SEL1L: variants seen among roughly 807,000 people sequenced by gnomAD.
SEL1L encodes the protein protein sel-1 homolog 1.
A neutral mutation model predicts 109.8 loss-of-function variants in SEL1L; 52 were observed. The ratio of observed to expected loss-of-function variants is 0.47; its 90% CI spans 0.38 to 0.60. The LOEUF is 0.60. SEL1L is among the 20% of genes least tolerant of loss of function. The pLI is 0.00. For synonymous variants in SEL1L, 373 were observed against 339.6 expected (o/e 1.10, Z -1.08); for missense variants, 749 against 962.2 (o/e 0.78, Z 2.93).
In SEL1L at chr14:81,476,418, T is replaced by G. The variant is rs185931074; in HGVS notation, c.*554A>C. 3 of 152,616 alleles carry G rather than the reference T, an allele frequency of 2.0e-5. No individual in the cohort carries two copies. The highest frequency in any genetic ancestry group is 2.0e-4 in the Admixed American group (3 of 15,330). 9.5% of individuals were successfully genotyped at this position (152,616 alleles called of 1,614,324 possible). On this transcript the variant is annotated 3_prime_UTR_variant, in exon 21 of 21. Coordinates refer to ENST00000336735, the MANE Select transcript of SEL1L (RefSeq NM_005065.6). ...TTTAAAATAACAAATATGCTGAATA[T>G]GTCTAATTGCATGTGGACTGGTAAG... is the stretch of plus-strand genomic sequence containing the variant.
At chr14:81,485,590 C>T (rs1165798635) in intron 18 of SEL1L, 82 bp downstream of exon 18, 3 of 1,223,082 alleles carry the variant, frequency 2.5e-6, no homozygotes, top group East Asian at 2.3e-5. Context: ...CAGTACTCGG[C>T]TTCATGATTT....
At chr14:81,511,124 C>A (rs949336241) in intron 3 of SEL1L, among the ~76,000 whole-genome samples, 3 of 152,152 alleles carry the variant, frequency 2.0e-5, no homozygotes, top group Admixed American at 2.0e-4. Flanking sequence ...TTGAAAACTG[C>A]TAAATAAGGT....
intron 12 of SEL1L, among the ~76,000 whole-genome samples, chr14:81,491,268 T>C (rs1467740812): frequency 6.6e-6 from 1 of 152,166 alleles, no homozygotes; most frequent in Admixed American, 6.5e-5. Flanking sequence ...AAGGTTTACT[T>C]GAAGAGGGTT....
At chr14:81,522,403 C>A (rs1884945935) in intron 3 of SEL1L, among the ~76,000 whole-genome samples, 2 of 152,096 alleles carry the variant, frequency 1.3e-5, no homozygotes, top group South Asian at 4.1e-4. Context: ...ATTTAAAAAT[C>A]TTTTATACCA....
chr14:81,492,159 T>C (rs1275819934), intron 12 of SEL1L, among the ~76,000 whole-genome samples: 1 of 151,958 alleles, frequency 6.6e-6, no homozygotes, highest in Non-Finnish European at 1.5e-5. Flanking sequence ...ACCCGGCTAA[T>C]TTTTTGTATT....
chr14:81,523,053 C>T (rs1319145310), intron 3 of SEL1L, among the ~76,000 whole-genome samples: 1 of 152,098 alleles, frequency 6.6e-6, no homozygotes, highest in African/African-American at 2.4e-5. Flanking sequence ...TGATCTTCAT[C>T]CGTTTCCAGA....
chr14:81,484,451 G>A, intron 18 of SEL1L, 54 bp from the exon 19 acceptor site: 2 of 1,487,224 alleles, frequency 1.3e-6, no homozygotes, highest in Non-Finnish European at 1.8e-6. Context: ...GTTTAAAACA[G>A]ATCAAACTTT....
At chr14:81,533,561 G>T in intron 1 of SEL1L, 114 bp downstream of exon 1, 1 of 959,970 alleles carries the variant, frequency 1.0e-6, no homozygotes, top group Non-Finnish European at 1.6e-6. Flanking sequence ...AGCCCAGTGC[G>T]AGATGTGCCC....
At chr14:81,532,166 C>G (rs1325921914) in intron 1 of SEL1L, among the ~76,000 whole-genome samples, 4 of 152,220 alleles carry the variant, frequency 2.6e-5, no homozygotes, top group Non-Finnish European at 4.4e-5. Context: ...ACAGACAGCA[C>G]AATTCCTATG....
At chr14:81,508,378 T>C (rs1295043243) in intron 3 of SEL1L, among the ~76,000 whole-genome samples, 1 of 152,116 alleles carries the variant, frequency 6.6e-6, no homozygotes, top group African/African-American at 2.4e-5. Context: ...AGAGGAGTCA[T>C]TCTGACTACA....
Position 81,527,694 on chromosome 14 carries a change from T to A in SEL1L, c.108+7A>T, listed in dbSNP as rs201458149. The A allele has an allele frequency of 5.6e-5, 90 of 1,599,764 alleles. No individual in the cohort carries two copies. The highest frequency in any genetic ancestry group is 7.1e-5 in the Non-Finnish European group (83 of 1,172,306). On this transcript the variant is annotated splice_region_variant and intron_variant, in intron 2 of 20. Coordinates refer to ENST00000336735, the MANE Select transcript of SEL1L (RefSeq NM_005065.6). ...AAATACTGGCCAATACACATTTTAGTACATACCTTGGAATCTAAGGATTCA... is the reference window on the plus strand; with the variant it reads ...AAATACTGGCCAATACACATTTTAGAACATACCTTGGAATCTAAGGATTCA...
chr14:81,500,158 G>A (rs1883944436), intron 6 of SEL1L, among the ~76,000 whole-genome samples: 2 of 151,518 alleles, frequency 1.3e-5, no homozygotes, highest in Non-Finnish European at 2.9e-5. Flanking sequence ...TGATCCACCC[G>A]CCTCAGCCTC....
intron 3 of SEL1L, among the ~76,000 whole-genome samples, chr14:81,510,901 G>A (rs1488451566): frequency 6.6e-6 from 1 of 152,016 alleles, no homozygotes; most frequent in African/African-American, 2.4e-5. Flanking sequence ...GCTCAACCAA[G>A]CAAACGATTG....
At position 81,526,817 on chromosome 14, in the gene SEL1L, T is replaced by C. The variant is rs752512586; in HGVS notation, c.256A>G (p.Ser86Gly). Residue 86 changes from serine to glycine, a missense_variant, in exon 3 of 21, where the codon AGT (serine) becomes GGT (glycine). By Grantham distance (56) the Ser-to-Gly change is moderately conservative. Coordinates refer to ENST00000336735, the MANE Select transcript of SEL1L (RefSeq NM_005065.6). ...EDSLKSQEGESVTEDISFLES... is the reference protein window; with the variant it reads ...EDSLKSQEGEGVTEDISFLES... ...AGAAAGCTGATATCTTCTGTGACAC[T>C]TTCCCCCTCTTGGCTCTTGAGGCTG... 2 of 1,606,930 alleles carry C rather than the reference T, an allele frequency of 1.2e-6. No homozygotes were observed. The highest frequency in any genetic ancestry group is 1.7e-6 in the Non-Finnish European group (2 of 1,177,754).
At chr14:81,508,809 C>G (rs1884345155) in intron 3 of SEL1L, among the ~76,000 whole-genome samples, 1 of 152,156 alleles carries the variant, frequency 6.6e-6, no homozygotes, top group African/African-American at 2.4e-5. Flanking sequence ...GTCTTAAAAA[C>G]AAATAACTTA....
intron 3 of SEL1L, among the ~76,000 whole-genome samples, chr14:81,507,878 C>T (rs193285130): frequency 2.2e-3 from 336 of 152,204 alleles, no homozygotes; most frequent in African/African-American, 7.7e-3. Context: ...GTATAGATTC[C>T]GGGGTCAGAA....
intron 1 of SEL1L, 69 bp from the exon 2 acceptor site, chr14:81,527,807 CAT>C (rs376315620): frequency 2.6e-4 from 277 of 1,066,792 alleles, no homozygotes; most frequent in African/African-American, 2.7e-4. Context: ...TAAAAGAAAA[CAT>C]GTGAAAAGTA....
At chr14:81,500,793 T>C (rs899464316) in intron 6 of SEL1L, among the ~76,000 whole-genome samples, 1 of 151,930 alleles carries the variant, frequency 6.6e-6, no homozygotes, top group African/African-American at 2.4e-5. Flanking sequence ...GCTGAAGAGG[T>C]CAAGGGAAAA....
rs548014330 is a variant in SEL1L, at chr14:81,529,519, G to C, written c.71-1781C>G. On this transcript the variant is annotated intron_variant, in intron 1 of 20. Transcript: ENST00000336735. ...ACAGGTGAATCATATGGACACATCT[G>C]TAAATACACTTAAAGACATGTACAT... 2.0e-5 allele frequency among the ~76,000 whole-genome samples: 3 copies of C among 152,302 alleles called. No individual in the cohort carries two copies. In the South Asian group the frequency reaches 6.2e-4, roughly 32 times the overall value.
Sources: gnomAD v4.1 joint callset for allele counts (sites outside exome capture counted in the v4.1 genomes callset) on GRCh38, gnomAD v4.1.1 for gene constraint, MANE v1.5 for transcripts, NCBI Gene and HGNC (gene_info 2026-07-23, HGNC 2026-07-21) for gene names.